The following POLD3 variants were observed in gnomAD, a reference collection of about 807,000 sequenced individuals.
POLD3 encodes DNA polymerase delta 3, accessory subunit, also known as DNA polymerase delta subunit 3.
A neutral mutation model predicts 58.2 loss-of-function variants in POLD3; 19 were observed. The observed-to-expected ratio is 0.33, with a 90% CI of 0.23 to 0.48. The LOEUF (loss-of-function observed/expected upper bound fraction) is 0.48. POLD3 is among the 20% of genes least tolerant of loss of function. POLD3 has a pLI of 0.99. For missense variants in POLD3, 504 were observed against 545.5 expected (o/e 0.92, Z 0.76); for synonymous variants, 172 against 193.5 (o/e 0.89, Z 0.92).
Position 74,642,245 on chromosome 11 carries a change from A to G in POLD3, c.*1479A>G. On this transcript the variant is annotated 3_prime_UTR_variant, in exon 12 of 12. Coordinates refer to ENST00000263681, the MANE Select transcript of POLD3 (RefSeq NM_006591.3). ...AGAAGTTTGGGAGATGAGTCCTGGC[A>G]TTATGTCTAGGACTAAAGCAGTGGC... 1.0e-6 allele frequency: 1 copy of G among 985,058 alleles called. No homozygotes were observed. The highest frequency in any genetic ancestry group is 1.2e-6 in the Non-Finnish European group (1 of 829,580). The allele number at this position is 985,058 out of a possible 1,614,324, so 61.0% of individuals were successfully genotyped here. A position where few individuals can be genotyped will look rare whatever the true frequency, so the allele number is the denominator to read the frequency against.
At chr11:74,649,873 C>G (rs1196381065) in intron 4 of POLD3, among the ~76,000 whole-genome samples, 1 of 152,122 alleles carries the variant, frequency 6.6e-6, no homozygotes, top group Non-Finnish European at 1.5e-5. Flanking sequence ...GAGATACTTA[C>G]ATTTTGGAAA....
rs375950203 is a variant in POLD3 at position 74,625,393 on chromosome 11, A to C, written c.734-15A>C. The C allele has an allele frequency of 6.3e-7, 1 of 1,591,604 alleles. No individual in the cohort carries two copies. Among genetic ancestry groups the C allele is most frequent in the Admixed American group, 1.8e-5 (1 of 56,864 alleles). On this transcript the variant is annotated splice_polypyrimidine_tract_variant and intron_variant, in intron 7 of 11. Transcript: ENST00000263681. ...ATGATGGGGTCATATGTCGTCTGCT[A>C]TACTTTATTTATAGATAAATTTAAA...
intron 9 of POLD3, among the ~76,000 whole-genome samples, chr11:74,632,521 AAGC>A (rs1300811150): frequency 6.6e-6 from 1 of 152,230 alleles, no homozygotes; most frequent in Non-Finnish European, 1.5e-5. Context: ...CGTTTAAACA[AAGC>A]AGTAGATATT....
At chr11:74,647,222 C>T (rs934432773), downstream of POLD3, among the ~76,000 whole-genome samples, 1 of 152,174 alleles carries the variant, frequency 6.6e-6, no homozygotes, top group Non-Finnish European at 1.5e-5. Context: ...GTCCGCAGCC[C>T]GGGGGTTGGG....
intron 7 of POLD3, among the ~76,000 whole-genome samples, chr11:74,620,664 G>T (rs2032223810): frequency 6.6e-6 from 1 of 152,156 alleles, no homozygotes; most frequent in Non-Finnish European, 1.5e-5. Flanking sequence ...ACTTAAGTAA[G>T]AATTCTTTCG....
intron 4 of POLD3, among the ~76,000 whole-genome samples, chr11:74,653,438 C>T (rs2033093293): frequency 6.6e-6 from 1 of 152,066 alleles, no homozygotes; most frequent in Admixed American, 6.6e-5. Context: ...TTATGTTATA[C>T]TTGAGGTGGT....
At chr11:74,659,279 G>A (rs2033176369) in intron 4 of POLD3, among the ~76,000 whole-genome samples, 1 of 152,160 alleles carries the variant, frequency 6.6e-6, no homozygotes, top group South Asian at 2.1e-4. Flanking sequence ...TCAATAGGCT[G>A]CACACAGCAC....
At chr11:74,653,834 G>A (rs766110828) in intron 4 of POLD3, among the ~76,000 whole-genome samples, 1 of 152,152 alleles carries the variant, frequency 6.6e-6, no homozygotes, top group African/African-American at 2.4e-5. Flanking sequence ...CTAAGACTGG[G>A]TAATTTACAA....
At chr11:74,668,477 C>T (rs1452551063) in intron 4 of POLD3, among the ~76,000 whole-genome samples, 9 of 152,072 alleles carry the variant, frequency 5.9e-5, no homozygotes, top group Admixed American at 4.6e-4. Flanking sequence ...GACACAAAAG[C>T]CTACATATCA....
chr11:74,599,764 C>T (rs1436912309), intron 2 of POLD3, among the ~76,000 whole-genome samples: 2 of 151,986 alleles, frequency 1.3e-5, no homozygotes, highest in African/African-American at 4.8e-5. Flanking sequence ...TAATTTCAGA[C>T]TGTGAAAATG....
chr11:74,606,500 T>G (rs1216318520), intron 3 of POLD3, among the ~76,000 whole-genome samples: 1 of 152,236 alleles, frequency 6.6e-6, no homozygotes, highest in East Asian at 1.9e-4. Context: ...TTTTTGGTCA[T>G]TGATCCCCTT....
chr11:74,621,493 G>A (rs2032257002), intron 7 of POLD3, among the ~76,000 whole-genome samples: 1 of 151,018 alleles, frequency 6.6e-6, no homozygotes, highest in Non-Finnish European at 1.5e-5. Flanking sequence ...GGGGACTGCT[G>A]TGTTAAAGCA....
In POLD3 at chr11:74,603,570, A is replaced by G. The variant is rs974170515; in HGVS notation, c.117-1122A>G. Among the ~76,000 whole-genome samples the G allele has an allele frequency of 2.6e-5, 4 of 152,188 alleles. No individual in the cohort carries two copies. In the South Asian group the frequency reaches 6.2e-4, roughly 24 times the overall value. On this transcript the variant is annotated intron_variant, in intron 2 of 11. Transcript: ENST00000263681. ...ACCCCTCAGACCCAGGCAGACAGGA[A>G]TGGTCAGTCACTCTAATACATAGAG...
intron 2 of POLD3, among the ~76,000 whole-genome samples, chr11:74,600,624 A>G (rs909372654): frequency 4.6e-5 from 7 of 151,366 alleles, no homozygotes; most frequent in African/African-American, 1.7e-4. Context: ...ACAGAGCGAT[A>G]CTCTATCTCC....
In POLD3 at chr11:74,643,058, C is replaced by A; in HGVS notation, c.*2292C>A. ...TCAAAATAAAACTAAAATGAGTTAC[C>A]AAGGGTGTCAAGACTAAAGTCAAGT... On this transcript the variant is annotated 3_prime_UTR_variant, in exon 12 of 12. Transcript: ENST00000263681. 1 of 419,194 alleles carries A rather than the reference C, an allele frequency of 2.4e-6. No individual in the cohort carries two copies. Among genetic ancestry groups the A allele is most frequent in the Non-Finnish European group, 3.2e-6 (1 of 312,918 alleles). The allele number at this position is 419,194 out of a possible 1,614,324, so 26.0% of individuals were successfully genotyped here.
chr11:74,654,962 C>G (rs1232889726), intron 4 of POLD3, among the ~76,000 whole-genome samples: 5 of 152,222 alleles, frequency 3.3e-5, no homozygotes, highest in Non-Finnish European at 5.9e-5. Flanking sequence ...ATATCCCTAG[C>G]AAAGCACATG....
chr11:74,615,495 G>A (rs535394728), intron 5 of POLD3, among the ~76,000 whole-genome samples: 3 of 152,314 alleles, frequency 2.0e-5, no homozygotes, highest in South Asian at 4.1e-4. Context: ...TCAGTGGAGT[G>A]ACCAGATTCT....
intron 9 of POLD3, among the ~76,000 whole-genome samples, chr11:74,632,925 CACACACACAGTT>C (rs1179575165): frequency 9.2e-5 from 12 of 129,914 alleles, no homozygotes; most frequent in African/African-American, 3.2e-4. Context: ...CACACACACA[CACACACACAGTT>C]ACTCTATGTT....
chr11:74,593,870 C>A (rs1054774468), intron 1 of POLD3, among the ~76,000 whole-genome samples, 191 bp from the exon 2 acceptor site: 2 of 152,178 alleles, frequency 1.3e-5, no homozygotes, highest in African/African-American at 4.8e-5. Context: ...AAACAAACTT[C>A]TTAGCATTTT....
Sources: gnomAD v4.1 joint callset for allele counts (sites outside exome capture counted in the v4.1 genomes callset) on GRCh38, gnomAD v4.1.1 for gene constraint, MANE v1.5 for transcripts, NCBI Gene and HGNC (gene_info 2026-07-23, HGNC 2026-07-21) for gene names.